Variants in KANSL1 observed in about 807,000 individuals in gnomAD.
KANSL1 encodes the protein KAT8 regulatory NSL complex subunit 1.
KANSL1 carries 22 observed loss-of-function variants against 103.6 expected under a neutral mutation model. That is an observed-to-expected ratio of 0.21 (90% CI 0.15 to 0.30). The LOEUF is 0.30. Ranked by LOEUF, KANSL1 falls within the 10% of genes least tolerant of loss-of-function variation. The pLI, the probability that KANSL1 is intolerant of heterozygous loss-of-function variation, is 1.00. For synonymous variants in KANSL1, 600 were observed against 527.6 expected, an observed-to-expected ratio of 1.14 and a Z score of -1.88; for missense variants, 1,337 against 1,399.8, an observed-to-expected ratio of 0.96 and a Z score of 0.72.
At chr17:46,031,928 C>T in intron 14 of KANSL1, 119 bp downstream of exon 14, 2 of 1,400,434 alleles carry the variant, frequency 1.4e-6, no homozygotes, top group Non-Finnish European at 2.0e-6. Context: ...AATTTAAGTG[C>T]AGCCCTTTGT....
intron 1 of KANSL1, among the ~76,000 whole-genome samples, chr17:46,212,311 C>T (rs2048190901): frequency 6.6e-6 from 1 of 152,086 alleles, no homozygotes; most frequent in African/African-American, 2.4e-5. Flanking sequence ...ACCTCCAACT[C>T]CCTGGTCCAA....
chr17:46,213,555 G>A (rs1057269931), intron 1 of KANSL1, among the ~76,000 whole-genome samples: 13 of 147,278 alleles, frequency 8.8e-5, no homozygotes, highest in African/African-American at 3.0e-4. Context: ...TGATGGGCCC[G>A]CCTCGGCCTC....
chr17:46,172,483 G>A (rs940133170), intron 1 of KANSL1, among the ~76,000 whole-genome samples: 3 of 152,118 alleles, frequency 2.0e-5, no homozygotes, highest in African/African-American at 7.2e-5. Flanking sequence ...AGATTGAAAG[G>A]TGCCAAAACA....
chr17:46,060,519 T>C (rs1598508943), intron 6 of KANSL1, among the ~76,000 whole-genome samples: 1 of 152,356 alleles, frequency 6.6e-6, no homozygotes, highest in East Asian at 1.9e-4. Context: ...AGTATTCTTT[T>C]AGTAGCTTTA....
intron 1 of KANSL1, among the ~76,000 whole-genome samples, chr17:46,207,936 C>A (rs1340376799): frequency 6.6e-6 from 1 of 152,094 alleles, no homozygotes; most frequent in Admixed American, 6.5e-5. Context: ...CATGGTGAAA[C>A]CCCGTCTCTA....
intron 4 of KANSL1, among the ~76,000 whole-genome samples, chr17:46,079,877 T>C (rs2078918843): frequency 6.6e-6 from 1 of 152,038 alleles, no homozygotes; most frequent in East Asian, 1.9e-4. Flanking sequence ...CTTGGGAAGC[T>C]GAGGTGGGAG....
At chr17:46,054,203 C>T (rs1598491404) in intron 6 of KANSL1, among the ~76,000 whole-genome samples, 3 of 152,286 alleles carry the variant, frequency 2.0e-5, no homozygotes, top group East Asian at 1.9e-4. Context: ...CAGGCATGCA[C>T]CACCACGCCC....
At chr17:46,121,668 C>T (rs1400487428) in intron 2 of KANSL1, among the ~76,000 whole-genome samples, 1 of 149,288 alleles carries the variant, frequency 6.7e-6, no homozygotes, top group African/African-American at 2.5e-5. Context: ...TTTTATTGAC[C>T]CCCCCACCCC....
Position 46,171,913 on chromosome 17 carries a change from T to G in KANSL1, c.231A>C (p.Pro77=). ...CAGAGCAGAGATAAGATGCCACCAG[T>G]GGTTGCAGCTTTCCCAAGTCTTCCT... ...PTKEDLGKLQ[P]LVASYLCSDV... The change falls in exon 2 of 15, where the codon CCA becomes CCC. Residue 77 remains proline (P), a synonymous_variant. Coordinates refer to ENST00000432791, the MANE Select transcript of KANSL1 (RefSeq NM_015443.4). 6.2e-7 allele frequency: 1 copy of G among 1,614,258 alleles called. No individual in the cohort carries two copies. Among genetic ancestry groups the G allele is most frequent in the South Asian group, 1.1e-5 (1 of 91,088 alleles).
In KANSL1 at chr17:46,033,177, C is replaced by T. The variant is rs1200984517; in HGVS notation, c.2740G>A (p.Asp914Asn). 5.0e-6 allele frequency: 8 copies of T among 1,600,286 alleles called. No individual in the cohort carries two copies. Among genetic ancestry groups the T allele is most frequent in the African/African-American group, 1.3e-5 (1 of 74,664 alleles). Residue 914 changes from aspartate (D) to asparagine (N), a missense_variant, in exon 13 of 15, where the codon GAC becomes AAC. By Grantham distance (23) the Asp-to-Asn change is conservative. Transcript: ENST00000432791. ...EENEEIEDLS[D>N]AAFAALHAKC... Reference sequence around the variant, plus strand: ...GCATGCAGGGCGGCGAAGGCTGCGTCGGATAGGTCCTCAATCTGCAATAGA... The same window carrying T: ...GCATGCAGGGCGGCGAAGGCTGCGTTGGATAGGTCCTCAATCTGCAATAGA...
At chr17:46,163,722 C>T (rs916451138) in intron 2 of KANSL1, among the ~76,000 whole-genome samples, 2 of 152,214 alleles carry the variant, frequency 1.3e-5, no homozygotes, top group African/African-American at 2.4e-5. Flanking sequence ...TGATCCCTCC[C>T]GTCATTGCCC....
intron 6 of KANSL1, among the ~76,000 whole-genome samples, chr17:46,062,134 A>AAAAAAAAAAAAAAAAAAAAAAAAC (rs67483415): frequency 1.5e-5 from 2 of 132,750 alleles, no homozygotes; most frequent in Non-Finnish European, 3.3e-5. Flanking sequence ...AAAAAAAAAA[A>AAAAAAAAAAAAAAAAAAAAAAAAC]CATGTTACAG....
chr17:46,078,320 A>G (rs1360098403), intron 4 of KANSL1, among the ~76,000 whole-genome samples: 1 of 152,248 alleles, frequency 6.6e-6, no homozygotes, highest in African/African-American at 2.4e-5. Flanking sequence ...TCCCTGCATT[A>G]GGCAATGATG....
intron 1 of KANSL1, among the ~76,000 whole-genome samples, chr17:46,183,994 C>T (rs1313056998): frequency 6.6e-6 from 1 of 152,202 alleles, no homozygotes; most frequent in African/African-American, 2.4e-5. Context: ...AAACCCATTC[C>T]CTGCCCCAAC....
At chr17:46,224,100 T>C (rs76894905), upstream of KANSL1, among the ~76,000 whole-genome samples, 3,795 of 152,224 alleles carry the variant, frequency 0.025, 171 homozygotes, top group African/African-American at 0.088. Context: ...GGGTACTTCA[T>C]AAACACTAAA....
chr17:46,156,954 G>A (rs577868820), intron 2 of KANSL1: 1 of 151,600 alleles, frequency 6.6e-6, no homozygotes, highest in African/African-American at 2.4e-5. Flanking sequence ...CAGGAACCAA[G>A]TTTTCAATTC....
At chr17:46,096,307 T>TTTTC (rs1200033659) in intron 2 of KANSL1, among the ~76,000 whole-genome samples, 2 of 124,790 alleles carry the variant, frequency 1.6e-5, no homozygotes, top group East Asian at 3.0e-4. Flanking sequence ...CCTGGCTTTT[T>TTTTC]TTTCTTTTTT....
intron 1 of KANSL1, among the ~76,000 whole-genome samples, chr17:46,204,390 G>T (rs2047898817): frequency 6.6e-6 from 1 of 152,190 alleles, no homozygotes; most frequent in Non-Finnish European, 1.5e-5. Context: ...ATTTGAACCT[G>T]GGAAGTGGAG....
chr17:46,094,302 GC>G (rs1598603538), intron 3 of KANSL1: 1 of 475,476 alleles, frequency 2.1e-6, no homozygotes, highest in Non-Finnish European at 3.6e-6. Context: ...TCACTATGTT[GC>G]CCAGGCTGGT....
Sources: allele counts gnomAD v4.1 joint callset (sites outside exome capture counted in the v4.1 genomes callset), GRCh38; gene constraint gnomAD v4.1.1; transcripts MANE v1.5; gene names NCBI Gene and HGNC (gene_info 2026-07-23, HGNC 2026-07-21).